KANSL1: variants seen among roughly 807,000 people sequenced by gnomAD.
KANSL1 encodes MLL1/MLL complex subunit KANSL1.
In KANSL1, 22 loss-of-function variants were observed where a neutral mutation model predicts 103.6. The ratio of observed to expected loss-of-function variants is 0.21; its 90% CI spans 0.15 to 0.30. The LOEUF (loss-of-function observed/expected upper bound fraction) is 0.30, where lower values mean the gene tolerates loss of function less well. Among genes scored for constraint, KANSL1 ranks in the 10% least tolerant of loss-of-function variants. The probability of loss-of-function intolerance (pLI) is 1.00; values close to 1 mark genes in which losing one functional copy is unlikely to be tolerated. For missense variants in KANSL1, 1,337 were observed against 1,399.8 expected, an observed-to-expected ratio of 0.96 and a Z score of 0.72; for synonymous variants, 600 against 527.6, an observed-to-expected ratio of 1.14 and a Z score of -1.88.
At position 46,052,964 on chromosome 17, in the gene KANSL1, C is replaced by CAAAAAAAAAA. The variant is rs34473927; in HGVS notation, c.1849-2270_1849-2261dup. Among the ~76,000 whole-genome samples, 19 of 33,000 alleles carry CAAAAAAAAAA rather than the reference C, an allele frequency of 5.8e-4. 2 individuals are homozygous for CAAAAAAAAAA. The highest frequency in any genetic ancestry group is 2.4e-3 in the East Asian group (3 of 1,238). 21.6% of individuals were successfully genotyped at this position (33,000 alleles called of 152,430 possible). On this transcript the variant is annotated intron_variant, in intron 6 of 14. Coordinates refer to ENST00000432791, the MANE Select transcript of KANSL1 (RefSeq NM_015443.4). The stretch of plus-strand genomic sequence containing the variant: ...GGGAAAAAGAGTAAGATCCTGTCTC[C>CAAAAAAAAAA]AAAAAAAAAAAAAAAAAAAAAAAAA...
chr17:46,043,229 G>A (rs142351993), intron 7 of KANSL1: 2 of 152,050 alleles, frequency 1.3e-5, no homozygotes, highest in African/African-American at 2.4e-5. Flanking sequence ...TATATGTAAT[G>A]GAACTCCAAA....
chr17:46,118,609 A>C (rs1313138408), intron 2 of KANSL1, among the ~76,000 whole-genome samples: 1 of 152,232 alleles, frequency 6.6e-6, no homozygotes, highest in Non-Finnish European at 1.5e-5. Context: ...GATGGTCCAA[A>C]GACTACACTT....
In KANSL1 at chr17:46,109,185, T is replaced by G. The variant is rs367597042; in HGVS notation, c.1290-14484A>C. 1.6e-4 allele frequency among the ~76,000 whole-genome samples: 24 copies of G among 152,254 alleles called. No individual in the cohort carries two copies. In the East Asian group the frequency reaches 4.3e-3, roughly 27 times the overall value. On this transcript the variant is annotated intron_variant, in intron 2 of 14. Transcript: ENST00000432791. The stretch of plus-strand genomic sequence containing the variant: ...CTGGTCTCAAACTCCTAGGCTCAGG[T>G]GATTCTCCTGCCTCAGCCTTCCAAA...
intron 1 of KANSL1, among the ~76,000 whole-genome samples, chr17:46,175,343 T>A (rs1011990670): frequency 5.9e-5 from 9 of 151,680 alleles, no homozygotes; most frequent in Admixed American, 5.9e-4. Flanking sequence ...TGTGTGTGTG[T>A]GTGTGTGTGT....
chr17:46,046,342 T>C (rs2077503437), intron 7 of KANSL1, among the ~76,000 whole-genome samples: 1 of 151,370 alleles, frequency 6.6e-6, no homozygotes, highest in Admixed American at 6.6e-5. Flanking sequence ...GAGACCAGCA[T>C]GGGCAACACG....
chr17:46,156,383 G>C (rs1238143867), intron 2 of KANSL1, among the ~76,000 whole-genome samples: 1 of 152,112 alleles, frequency 6.6e-6, no homozygotes, highest in Non-Finnish European at 1.5e-5. Flanking sequence ...AGATCATCCA[G>C]AAAGTCAGTA....
intron 3 of KANSL1, among the ~76,000 whole-genome samples, chr17:46,086,254 T>C (rs963563799): frequency 1.3e-5 from 2 of 152,302 alleles, no homozygotes; most frequent in African/African-American, 2.4e-5. Flanking sequence ...AACCCTCAGA[T>C]AGATTATGAA....
At chr17:46,060,409 C>CA (rs1204198500) in intron 6 of KANSL1, among the ~76,000 whole-genome samples, 1 of 152,154 alleles carries the variant, frequency 6.6e-6, no homozygotes, top group East Asian at 1.9e-4. Flanking sequence ...TATTTTATCT[C>CA]AGTCTTTCAA....
At chr17:46,037,253 G>C (rs2077178318) in intron 10 of KANSL1, 1 of 152,140 alleles carries the variant, frequency 6.6e-6, no homozygotes, top group African/African-American at 2.4e-5. Context: ...AAATACTTTG[G>C]TTATCTGAAA....
intron 1 of KANSL1, among the ~76,000 whole-genome samples, chr17:46,187,260 A>G (rs528560817): frequency 6.6e-6 from 1 of 152,356 alleles, no homozygotes; most frequent in East Asian, 1.9e-4. Context: ...ATTCCCTAAT[A>G]CTTACCTTCC....
chr17:46,220,004 G>A (rs1397813521), intron 1 of KANSL1, among the ~76,000 whole-genome samples: 9 of 152,082 alleles, frequency 5.9e-5, no homozygotes, highest in African/African-American at 1.7e-4. Flanking sequence ...TCGGGAGGCT[G>A]AGGCAGGAGA....
chr17:46,213,113 C>T (rs1355794984), intron 1 of KANSL1, among the ~76,000 whole-genome samples: 1 of 148,274 alleles, frequency 6.7e-6, no homozygotes, highest in Non-Finnish European at 1.5e-5. Flanking sequence ...TTACCACCAC[C>T]ATCAAGTGCC....
chr17:46,117,641 G>A (rs2043102632), intron 2 of KANSL1, among the ~76,000 whole-genome samples: 1 of 152,140 alleles, frequency 6.6e-6, no homozygotes, highest in South Asian at 2.1e-4. Flanking sequence ...AAAAGCCCAG[G>A]CTTTTAAAAC....
chr17:46,175,991 G>C (rs1047966134), intron 1 of KANSL1, among the ~76,000 whole-genome samples: 1 of 152,146 alleles, frequency 6.6e-6, no homozygotes, highest in Non-Finnish European at 1.5e-5. Flanking sequence ...TTTTCCCATG[G>C]ACAAACGAAA....
chr17:46,160,595 AC>A (rs1312008853), intron 2 of KANSL1, among the ~76,000 whole-genome samples: 2 of 152,090 alleles, frequency 1.3e-5, no homozygotes, highest in African/African-American at 4.8e-5. Flanking sequence ...CGCCCATATA[AC>A]CCATCCAACT....
At chr17:46,166,157 G>A (rs1298746594) in intron 2 of KANSL1, among the ~76,000 whole-genome samples, 1 of 148,866 alleles carries the variant, frequency 6.7e-6, no homozygotes, top group East Asian at 2.0e-4. Context: ...AGATTGCAGT[G>A]AGCCGAGATC....
intron 2 of KANSL1, among the ~76,000 whole-genome samples, chr17:46,161,179 C>T (rs774568771): frequency 8.8e-4 from 130 of 147,248 alleles, no homozygotes; most frequent in Non-Finnish European, 1.7e-3. Flanking sequence ...CTTTGGGAGG[C>T]CGAGGTGGGC....
At chr17:46,194,065 G>T (rs1044964706), upstream of KANSL1, among the ~76,000 whole-genome samples, 1 of 152,184 alleles carries the variant, frequency 6.6e-6, no homozygotes, top group Non-Finnish European at 1.5e-5. Context: ...GGGGTGGGGA[G>T]GGTGCACGTA....
At chr17:46,149,473 G>A (rs1412074257) in intron 2 of KANSL1, among the ~76,000 whole-genome samples, 1 of 152,194 alleles carries the variant, frequency 6.6e-6, no homozygotes, top group Non-Finnish European at 1.5e-5. Context: ...AAATATTTAG[G>A]CTTTGCAGGC....
Sources: gnomAD v4.1 joint callset for allele counts (sites outside exome capture counted in the v4.1 genomes callset) on GRCh38, gnomAD v4.1.1 for gene constraint, MANE v1.5 for transcripts, NCBI Gene and HGNC (gene_info 2026-07-23, HGNC 2026-07-21) for gene names.